The following NBEA variants were observed in gnomAD, a reference collection of about 807,000 sequenced individuals.
NBEA encodes neurobeachin, also known as lysosomal-trafficking regulator 2.
A neutral mutation model predicts 343.4 loss-of-function variants in NBEA; 44 were observed. That is an observed-to-expected ratio of 0.13 (90% CI 0.10 to 0.16). The LOEUF is 0.16. NBEA is among the 10% of genes least tolerant of loss of function. NBEA has a pLI of 1.00. For missense variants in NBEA, 2,555 were observed against 3,631.3 expected (o/e 0.70, Z 7.62); for synonymous variants, 1,175 against 1,238.7 (o/e 0.95, Z 1.08).
chr13:35,221,880 T>C (rs1327005137), intron 33 of NBEA, among the ~76,000 whole-genome samples: 2 of 152,156 alleles, frequency 1.3e-5, no homozygotes, highest in East Asian at 1.9e-4. Context: ...TACCAAAACA[T>C]GTCCATGGGA....
intron 34 of NBEA, among the ~76,000 whole-genome samples, chr13:35,271,003 C>A (rs1594022369): frequency 6.6e-6 from 1 of 152,238 alleles, no homozygotes. Context: ...GTGGTTCCCC[C>A]CAGCATGGCA....
At chr13:35,538,656 G>T (rs2078668707) in intron 41 of NBEA, among the ~76,000 whole-genome samples, 1 of 152,198 alleles carries the variant, frequency 6.6e-6, no homozygotes, top group African/African-American at 2.4e-5. Context: ...GTAGGAGGTT[G>T]TACAGTAACC....
chr13:35,504,340 A>G (rs1347572248), intron 41 of NBEA, among the ~76,000 whole-genome samples: 2 of 152,144 alleles, frequency 1.3e-5, no homozygotes, highest in African/African-American at 2.4e-5. Flanking sequence ...TATGTAATAT[A>G]ATACACATCT....
chr13:35,104,613 GT>G (rs534699468), intron 11 of NBEA, among the ~76,000 whole-genome samples: 297 of 151,538 alleles, frequency 2.0e-3, no homozygotes, highest in African/African-American at 6.5e-3. Flanking sequence ...AATAGTATAG[GT>G]AATAGAAGTT....
At chr13:35,272,094 G>A (rs1456803571) in intron 34 of NBEA, among the ~76,000 whole-genome samples, 4 of 152,202 alleles carry the variant, frequency 2.6e-5, no homozygotes, top group South Asian at 2.1e-4. Flanking sequence ...AAATGTTAAC[G>A]GCAGCCAGAG....
At chr13:35,053,600 G>A (rs1008231169) in intron 6 of NBEA, among the ~76,000 whole-genome samples, 3 of 151,842 alleles carry the variant, frequency 2.0e-5, no homozygotes, top group East Asian at 1.9e-4. Flanking sequence ...TATGTTGTCC[G>A]TCTTTATATA....
intron 49 of NBEA, among the ~76,000 whole-genome samples, chr13:35,642,447 A>G (rs929947268): frequency 6.6e-6 from 1 of 152,232 alleles, no homozygotes; most frequent in African/African-American, 2.4e-5. Context: ...TACATTATAC[A>G]TGCTCATGAG....
intron 10 of NBEA, among the ~76,000 whole-genome samples, chr13:35,076,155 A>G (rs535996381): frequency 6.6e-6 from 1 of 152,062 alleles, no homozygotes; most frequent in South Asian, 2.1e-4. Flanking sequence ...GTATTAGGCT[A>G]TAGTTTATAC....
At chr13:35,086,163 T>A (rs1425498224) in intron 10 of NBEA, among the ~76,000 whole-genome samples, 1 of 152,022 alleles carries the variant, frequency 6.6e-6, no homozygotes, top group African/African-American at 2.4e-5. Flanking sequence ...CCCAAGGTAA[T>A]TTATAGATTC....
chr13:35,062,402 T>C (rs2152569476), intron 8 of NBEA, among the ~76,000 whole-genome samples: 1 of 151,778 alleles, frequency 6.6e-6, no homozygotes, highest in South Asian at 2.1e-4. Context: ...AGGCACAGTA[T>C]AAGAGAAAGC....
At chr13:35,481,828 A>G (rs2152967227) in intron 41 of NBEA, among the ~76,000 whole-genome samples, 1 of 151,984 alleles carries the variant, frequency 6.6e-6, no homozygotes, top group Admixed American at 6.6e-5. Context: ...ACATACATGA[A>G]TTTACGTACA....
intron 54 of NBEA, 39 bp downstream of exon 54, chr13:35,655,049 G>A (rs758837905): frequency 7.1e-7 from 1 of 1,408,192 alleles, no homozygotes; most frequent in Non-Finnish European, 9.3e-7. Context: ...TCTTCAAAAT[G>A]ACTATTGTTA....
At chr13:35,667,326 C>T (rs765067965) in intron 56 of NBEA, 48 bp from the exon 57 acceptor site, 10 of 1,509,006 alleles carry the variant, frequency 6.6e-6, no homozygotes, top group African/African-American at 2.8e-5. Flanking sequence ...GCTAGTATGT[C>T]GTTTGTCGTC....
chr13:35,593,525 A>G (rs2081629013), intron 47 of NBEA, 78 bp downstream of exon 47: 1 of 1,095,368 alleles, frequency 9.1e-7, no homozygotes, highest in Non-Finnish European at 1.3e-6. Flanking sequence ...GGGTATGTAT[A>G]AGACATTTTA....
At chr13:35,155,683 A>G (rs1427361938) in intron 18 of NBEA, 91 bp from the exon 19 acceptor site, 1 of 960,646 alleles carries the variant, frequency 1.0e-6, no homozygotes, top group Non-Finnish European at 1.6e-6. Context: ...GACTGCATTG[A>G]CATTTCTTTT....
At chr13:34,987,813 A>G (rs1385865559) in intron 1 of NBEA, among the ~76,000 whole-genome samples, 1 of 151,132 alleles carries the variant, frequency 6.6e-6, no homozygotes, top group African/African-American at 2.4e-5. Flanking sequence ...CATGCATCAC[A>G]TAGTTCTCAT....
chr13:35,107,895 A>G (rs2065995804), intron 11 of NBEA, among the ~76,000 whole-genome samples: 1 of 152,068 alleles, frequency 6.6e-6, no homozygotes, highest in Admixed American at 6.6e-5. Context: ...AGGACTCAGC[A>G]AAGAGGTTAG....
intron 8 of NBEA, among the ~76,000 whole-genome samples, chr13:35,064,473 A>G (rs1358181548): frequency 3.3e-5 from 5 of 152,086 alleles, no homozygotes; most frequent in Non-Finnish European, 5.9e-5. Flanking sequence ...CAGAATAACA[A>G]TATCAATAAT....
chr13:35,342,066 A>C (rs1476545476), intron 36 of NBEA, among the ~76,000 whole-genome samples: 1 of 152,106 alleles, frequency 6.6e-6, no homozygotes, highest in East Asian at 1.9e-4. Flanking sequence ...CTTGACATGG[A>C]TGAACCTGGA....
Sources: allele counts gnomAD v4.1 joint callset (sites outside exome capture counted in the v4.1 genomes callset), GRCh38; gene constraint gnomAD v4.1.1; transcripts MANE v1.5; gene names NCBI Gene and HGNC (gene_info 2026-07-23, HGNC 2026-07-21).